The following GRAMD4 variants were observed in gnomAD, a reference collection of about 807,000 sequenced individuals.
The protein encoded by GRAMD4 is GRAM domain containing 4.
GRAMD4 carries 25 observed loss-of-function variants against 83.9 expected under a neutral mutation model. The observed-to-expected ratio is 0.30, with a 90% CI of 0.22 to 0.42. The LOEUF (loss-of-function observed/expected upper bound fraction) is 0.42. GRAMD4 is among the 10% of genes least tolerant of loss of function. The probability of loss-of-function intolerance (pLI) is 1.00; values close to 1 mark genes in which losing one functional copy is unlikely to be tolerated. For synonymous variants in GRAMD4, 336 were observed against 320.9 expected, an observed-to-expected ratio of 1.05 and a Z score of -0.50; for missense variants, 593 against 788.7, an observed-to-expected ratio of 0.75 and a Z score of 2.97.
At chr22:46,585,989 C>T (rs1415674914) in intron 1 of GRAMD4, among the ~76,000 whole-genome samples, 1 of 152,132 alleles carries the variant, frequency 6.6e-6, no homozygotes, top group Admixed American at 6.5e-5. Flanking sequence ...CCTTTGTCTG[C>T]CCCCGAAGGC....
Position 46,663,122 on chromosome 22 carries a change from C to A in GRAMD4, c.549C>A (p.Phe183Leu). ...GGGAGTACGTGGAGGACTTCCGGTT[C>A]CAGCCCGAGGAGAACACTGTGGAGA... Reference protein sequence around the residue: ...RFGEYVEDFRFQPEENTVETE... With the variant: ...RFGEYVEDFRLQPEENTVETE... Residue 183 changes from phenylalanine (F) to leucine (L), a missense_variant, in exon 6 of 19, where the codon TTC becomes TTA. By Grantham distance (22) the Phe-to-Leu change is conservative (BLOSUM62 0). Transcript: ENST00000406902. The A allele has an allele frequency of 6.2e-7, 1 of 1,612,462 alleles. No homozygotes were observed. The highest frequency in any genetic ancestry group is 8.5e-7 in the Non-Finnish European group (1 of 1,179,656).
At chr22:46,575,800 C>A (rs1004938910), upstream of GRAMD4, among the ~76,000 whole-genome samples, 1 of 152,334 alleles carries the variant, frequency 6.6e-6, no homozygotes, top group African/African-American at 2.4e-5. Context: ...GCAGCCCTTG[C>A]GGAAGCGCTG....
chr22:46,631,068 C>T (rs995719583), intron 2 of GRAMD4, among the ~76,000 whole-genome samples: 1 of 152,268 alleles, frequency 6.6e-6, no homozygotes, highest in East Asian at 1.9e-4. Context: ...TGCCGAGTGG[C>T]TGTAGGTTGC....
intron 1 of GRAMD4, among the ~76,000 whole-genome samples, chr22:46,602,034 G>A (rs556845194): frequency 3.3e-5 from 5 of 152,244 alleles, no homozygotes; most frequent in Admixed American, 6.5e-5. Context: ...GGCCAGGCAC[G>A]TGCTGGCAAG....
At chr22:46,627,444 C>A (rs2081683861) in intron 2 of GRAMD4, among the ~76,000 whole-genome samples, 1 of 152,250 alleles carries the variant, frequency 6.6e-6, no homozygotes, top group East Asian at 1.9e-4. Flanking sequence ...GGGGGGACAG[C>A]AAATACCCAC....
chr22:46,680,725 C>CCCAT (rs1569313671), downstream of GRAMD4, among the ~76,000 whole-genome samples: 1 of 105,692 alleles, frequency 9.5e-6, no homozygotes, highest in Non-Finnish European at 1.9e-5. Context: ...CACCCACCCA[C>CCCAT]CCATCCATCC....
intron 1 of GRAMD4, among the ~76,000 whole-genome samples, chr22:46,578,882 G>A (rs898971742): frequency 4.6e-5 from 7 of 152,182 alleles, no homozygotes; most frequent in Non-Finnish European, 8.8e-5. Flanking sequence ...GGCAGACCTC[G>A]AAGCCCCACA....
chr22:46,677,550 C>G lies in GRAMD4; in HGVS notation c.*299C>G, dbSNP rs368706381. 5.2e-6 allele frequency: 6 copies of G among 1,157,570 alleles called. No individual in the cohort carries two copies. Among genetic ancestry groups the G allele is most frequent in the Non-Finnish European group, 1.1e-6 (1 of 934,814 alleles). The allele number at this position is 1,157,570 out of a possible 1,614,324, so 71.7% of individuals were successfully genotyped here. ...GCCCGTGGAGAAGACACACAGGACC[C>G]CTGGCCCTGCCCTTCTCCGTTCCAG... On this transcript the variant is annotated 3_prime_UTR_variant, in exon 19 of 19. Coordinates refer to ENST00000406902, the MANE Select transcript of GRAMD4 (RefSeq NM_015124.5).
At chr22:46,587,094 T>A (rs2081158167) in intron 1 of GRAMD4, among the ~76,000 whole-genome samples, 1 of 152,162 alleles carries the variant, frequency 6.6e-6, no homozygotes, top group Admixed American at 6.5e-5. Context: ...CCAGTGGCTC[T>A]TGTTTGCCAC....
intron 2 of GRAMD4, among the ~76,000 whole-genome samples, chr22:46,633,073 C>T (rs2081800262): frequency 6.6e-6 from 1 of 152,344 alleles, no homozygotes; most frequent in African/African-American, 2.4e-5. Flanking sequence ...AAGCTCTTCT[C>T]CAACTCAGCC....
chr22:46,604,695 C>G lies in GRAMD4; in HGVS notation c.-49-22056C>G, dbSNP rs1013317406. On this transcript the variant is annotated intron_variant, in intron 1 of 1. Coordinates refer to the GRAMD4 transcript ENST00000431155. Reference sequence around the variant, plus strand: ...CACAAAGCAGAATGTCCTCTGGGCTCACCCAGGTTCTGGAGCCATAACGTC... The same window carrying G: ...CACAAAGCAGAATGTCCTCTGGGCTGACCCAGGTTCTGGAGCCATAACGTC... Among the ~76,000 whole-genome samples, 5 of 152,384 alleles carry G rather than the reference C, an allele frequency of 3.3e-5. No individual in the cohort carries two copies. In the East Asian group the frequency reaches 9.6e-4, roughly 29 times the overall value.
intron 3 of GRAMD4, among the ~76,000 whole-genome samples, chr22:46,646,236 C>CG (rs1337696853): frequency 1.3e-5 from 2 of 152,234 alleles, no homozygotes; most frequent in Non-Finnish European, 2.9e-5. Flanking sequence ...TGCACTCACA[C>CG]GGGCAGTGGC....
chr22:46,668,434 C>T (rs543843293), intron 11 of GRAMD4, among the ~76,000 whole-genome samples: 2 of 152,256 alleles, frequency 1.3e-5, no homozygotes, highest in Admixed American at 6.5e-5. Context: ...TGGAGCTCCC[C>T]TCCCTCCCCA....
chr22:46,667,688 GC>G (rs1277587987), intron 10 of GRAMD4, among the ~76,000 whole-genome samples: 3 of 152,230 alleles, frequency 2.0e-5, no homozygotes, highest in African/African-American at 4.8e-5. Context: ...GAGGAGGCAG[GC>G]TGTTGCCCGC....
chr22:46,643,125 A>ATCCCTGGATCCATCTG (rs1416207724), intron 3 of GRAMD4, among the ~76,000 whole-genome samples: 1 of 148,146 alleles, frequency 6.8e-6, no homozygotes. Context: ...CCATCCATGC[A>ATCCCTGGATCCATCTG]TCCATCCATG....
chr22:46,639,614 G>A (rs530176553), intron 3 of GRAMD4, among the ~76,000 whole-genome samples: 2 of 151,800 alleles, frequency 1.3e-5, no homozygotes, highest in African/African-American at 4.8e-5. Context: ...GTGCATGCCC[G>A]TGTGCAGTGG....
At position 46,672,268 on chromosome 22, in the gene GRAMD4, A is replaced by G. The variant is rs1165801288; in HGVS notation, c.1085-575A>G. ...GACCATGATTGTGTCAGGTGACAGTATCGGGGAGAAAACGGAGCTGGTGGA... is the reference window on the plus strand; with the variant it reads ...GACCATGATTGTGTCAGGTGACAGTGTCGGGGAGAAAACGGAGCTGGTGGA... On this transcript the variant is annotated intron_variant, in intron 13 of 18. Transcript: ENST00000406902. This position sits in a 1 kb window ranked among gnomAD's most constrained non-coding sequence, Gnocchi z 4.7. Among the ~76,000 whole-genome samples the G allele has an allele frequency of 2.0e-5, 3 of 152,166 alleles. No individual in the cohort carries two copies. The highest frequency in any genetic ancestry group is 2.9e-5 in the Non-Finnish European group (2 of 68,016).
rs886845388 is a variant in GRAMD4, at chr22:46,596,362, T to A, written c.-50+19072T>A. ...CCTGGCGGCCCTTTCTGCAGGGTCC[T>A]GCAGGGACTCCAGGGCCATCTGGCC... is the stretch of plus-strand genomic sequence containing the variant. On this transcript the variant is annotated intron_variant, in intron 1 of 1. Coordinates refer to the GRAMD4 transcript ENST00000431155. Among the ~76,000 whole-genome samples the A allele has an allele frequency of 6.6e-5, 10 of 152,380 alleles. No individual in the cohort carries two copies. The South Asian group carries it at 1.2e-3, about 19-fold the overall frequency.
chr22:46,643,834 C>T (rs896898244), intron 3 of GRAMD4, among the ~76,000 whole-genome samples: 5 of 152,120 alleles, frequency 3.3e-5, no homozygotes, highest in Non-Finnish European at 7.4e-5. Context: ...GCCATTTTGT[C>T]CCATAATGCA....
Sources: gnomAD v4.1 joint callset for allele counts (sites outside exome capture counted in the v4.1 genomes callset) on GRCh38, gnomAD v4.1.1 for gene constraint, Gnocchi (gnomAD v3.1) non-coding constraint, MANE v1.5 for transcripts, NCBI Gene and HGNC (gene_info 2026-07-23, HGNC 2026-07-21) for gene names.